The following RIMS2 variants were observed in gnomAD, a reference collection of about 807,000 sequenced individuals.
The protein encoded by RIMS2 is regulating synaptic membrane exocytosis 2.
RIMS2 carries 59 observed loss-of-function variants against 174.4 expected under a neutral mutation model. That is an observed-to-expected ratio of 0.34 (90% CI 0.27 to 0.42). The LOEUF is 0.42. RIMS2 is among the 10% of genes least tolerant of loss of function. RIMS2 has a pLI of 1.00. For synonymous variants in RIMS2, 606 were observed against 572.5 expected (o/e 1.06, Z -0.84); for missense variants, 1,620 against 1,666.3 (o/e 0.97, Z 0.48).
At chr8:103,680,186 A>C (rs555526613) in intron 1 of RIMS2, among the ~76,000 whole-genome samples, 1 of 152,144 alleles carries the variant, frequency 6.6e-6, no homozygotes, top group South Asian at 2.1e-4. Flanking sequence ...GCAGACAAAA[A>C]CACCATTGAA....
intron 14 of RIMS2, among the ~76,000 whole-genome samples, chr8:103,947,137 A>C (rs867431463): frequency 6.6e-6 from 1 of 152,244 alleles, no homozygotes; most frequent in Non-Finnish European, 1.5e-5. Flanking sequence ...AAGAGTTAAG[A>C]CTATAAAAGT....
At chr8:104,195,222 T>C (rs937912583) in intron 19 of RIMS2, among the ~76,000 whole-genome samples, 4 of 152,132 alleles carry the variant, frequency 2.6e-5, no homozygotes, top group Non-Finnish European at 5.9e-5. Context: ...ATTTAGAAGG[T>C]ATGAATTAGG....
At chr8:103,959,523 C>G (rs1350725013) in intron 14 of RIMS2, among the ~76,000 whole-genome samples, 1 of 151,956 alleles carries the variant, frequency 6.6e-6, no homozygotes, top group Non-Finnish European at 1.5e-5. Context: ...CCTGCCTCAA[C>G]CTCCCTAGTA....
intron 3 of RIMS2, among the ~76,000 whole-genome samples, chr8:103,880,177 C>T (rs2099160606): frequency 6.6e-6 from 1 of 151,610 alleles, no homozygotes; most frequent in Non-Finnish European, 1.5e-5. Flanking sequence ...TTAAGCAGCA[C>T]AATTATCAAT....
At chr8:103,953,214 A>C (rs147059597) in intron 14 of RIMS2, among the ~76,000 whole-genome samples, 1,622 of 151,048 alleles carry the variant, frequency 0.011, 36 homozygotes, top group African/African-American at 0.037. Context: ...CCAGCCTGGC[A>C]AGGCAGGCCA....
At chr8:104,040,924 A>G (rs554933550) in intron 19 of RIMS2, among the ~76,000 whole-genome samples, 2 of 151,808 alleles carry the variant, frequency 1.3e-5, no homozygotes, top group South Asian at 2.1e-4. Flanking sequence ...CAGATAATTA[A>G]AAGTTTGAAA....
intron 1 of RIMS2, among the ~76,000 whole-genome samples, chr8:103,555,999 G>C (rs1850289763): frequency 6.6e-6 from 1 of 152,094 alleles, no homozygotes; most frequent in Admixed American, 6.6e-5. Context: ...TGAATTCATA[G>C]AAAGAGAGAG....
At chr8:103,599,715 G>A (rs185039832) in intron 1 of RIMS2, among the ~76,000 whole-genome samples, 3 of 151,956 alleles carry the variant, frequency 2.0e-5, no homozygotes, top group Non-Finnish European at 4.4e-5. Flanking sequence ...CCTCTGAAGT[G>A]CTGGGATTAC....
intron 1 of RIMS2, among the ~76,000 whole-genome samples, chr8:103,660,664 C>T (rs150416085): frequency 6.6e-6 from 1 of 152,300 alleles, no homozygotes; most frequent in East Asian, 1.9e-4. Context: ...AGTTCCTGGA[C>T]ATAGATGTGT....
chr8:104,092,840 T>G (rs2097686883), intron 19 of RIMS2, among the ~76,000 whole-genome samples: 1 of 151,986 alleles, frequency 6.6e-6, no homozygotes, highest in African/African-American at 2.4e-5. Flanking sequence ...TACGATGGTT[T>G]TTAATTTACC....
At chr8:104,195,042 A>G (rs552722103) in intron 19 of RIMS2, among the ~76,000 whole-genome samples, 21 of 152,346 alleles carry the variant, frequency 1.4e-4, no homozygotes, top group South Asian at 8.3e-4. Flanking sequence ...TAAGCAAAAC[A>G]GTGACATGGC....
At chr8:103,824,531 C>A (rs1241551819) in intron 3 of RIMS2, among the ~76,000 whole-genome samples, 1 of 152,056 alleles carries the variant, frequency 6.6e-6, no homozygotes, top group Non-Finnish European at 1.5e-5. Flanking sequence ...ATGGAAAAAC[C>A]CATTGCACGT....
chr8:103,520,634 A>T (rs1168322038), intron 1 of RIMS2, among the ~76,000 whole-genome samples: 1 of 152,178 alleles, frequency 6.6e-6, no homozygotes, highest in East Asian at 1.9e-4. Context: ...GTAATAATTT[A>T]AAAATAGTTT....
In RIMS2 at chr8:103,984,908, G is replaced by A. The variant is rs1487944118; in HGVS notation, c.2928-4397G>A. ...AACAACATGGATGGAACTGGAGGTCGTTATATCAAGTGAAATAAGCCAGGC... is the reference window on the plus strand; with the variant it reads ...AACAACATGGATGGAACTGGAGGTCATTATATCAAGTGAAATAAGCCAGGC... On this transcript the variant is annotated intron_variant, in intron 16 of 23. Transcript: ENST00000504942. Among the ~76,000 whole-genome samples the A allele has an allele frequency of 7.9e-5, 12 of 152,132 alleles. No homozygotes were observed. The South Asian group carries it at 2.3e-3, about 29-fold the overall frequency.
At chr8:103,571,082 T>C (rs1231884922) in intron 1 of RIMS2, among the ~76,000 whole-genome samples, 3 of 152,196 alleles carry the variant, frequency 2.0e-5, no homozygotes, top group Non-Finnish European at 4.4e-5. Context: ...TTGTCTGTTA[T>C]GATCTGCCAT....
intron 1 of RIMS2, chr8:103,559,304 A>C (rs2091195294): frequency 4.9e-6 from 1 of 204,372 alleles, no homozygotes; most frequent in African/African-American, 2.4e-5. Context: ...TAGCAGGGAC[A>C]TCTCTTCCAT....
intron 19 of RIMS2, among the ~76,000 whole-genome samples, chr8:104,027,585 A>G (rs1040120385): frequency 2.0e-4 from 31 of 152,178 alleles, no homozygotes; most frequent in Admixed American, 2.0e-3. Context: ...GATACAAGAG[A>G]AAGAGTGTAG....
At chr8:103,649,149 C>A (rs2096401810) in intron 1 of RIMS2, among the ~76,000 whole-genome samples, 1 of 152,114 alleles carries the variant, frequency 6.6e-6, no homozygotes, top group Admixed American at 6.6e-5. Context: ...TGGAAATTCC[C>A]TAAGCATTTG....
intron 3 of RIMS2, among the ~76,000 whole-genome samples, chr8:103,797,079 C>T (rs1453925217): frequency 6.6e-6 from 1 of 152,096 alleles, no homozygotes; most frequent in African/African-American, 2.4e-5. Context: ...AGAAGTAAGA[C>T]GTGTGGATAT....
Sources: gnomAD v4.1 joint callset for allele counts (sites outside exome capture counted in the v4.1 genomes callset) on GRCh38, gnomAD v4.1.1 for gene constraint, MANE v1.5 for transcripts, NCBI Gene and HGNC (gene_info 2026-07-23, HGNC 2026-07-21) for gene names.